GPR15: variants seen among roughly 807,000 people sequenced by gnomAD.
GPR15 encodes the protein G protein-coupled receptor 15.
GPR15 carries 16 observed loss-of-function variants against 19.3 expected under a neutral mutation model. The ratio of observed to expected loss-of-function variants is 0.83; its 90% confidence interval spans 0.56 to 1.26. The LOEUF is 1.26. Among genes scored for constraint, GPR15 ranks in the 50% most tolerant of loss-of-function variants. The pLI is 0.00. For missense variants in GPR15, 458 were observed against 429.4 expected (o/e 1.07, Z -0.59); for synonymous variants, 170 against 171.2 (o/e 0.99, Z 0.05).
Position 98,532,117 on chromosome 3 carries a change from T to C in GPR15, c.84T>C (p.His28=), listed in dbSNP as rs1486080819. Residue 28 remains histidine, a synonymous_variant, in exon 1 of 1, where the codon CAT becomes CAC. Transcript: ENST00000284311. ...CTGACATCAGGGAGACCCACTCCCATGTTCCTTACACCTCTGTCTTCCTTC... is the reference window on the plus strand; with the variant it reads ...CTGACATCAGGGAGACCCACTCCCACGTTCCTTACACCTCTGTCTTCCTTC... ...PNSDIRETHS[H]VPYTSVFLPV... 3.7e-6 allele frequency: 6 copies of C among 1,614,082 alleles called. No individual in the cohort carries two copies. Among genetic ancestry groups the C allele is most frequent in the Non-Finnish European group, 5.1e-6 (6 of 1,180,020 alleles).
rs1016775161 is a variant in GPR15 at position 98,533,165 on chromosome 3, T to G, written c.*49T>G. On this transcript the variant is annotated 3_prime_UTR_variant, in exon 1 of 1. Transcript: ENST00000284311. ...CTGTTGGTGGGTTTAGGAGTTAATT[T>G]TTGTCAGCAACAAAGAAGGAAGTGT... 19 of 1,516,502 alleles carry G rather than the reference T, an allele frequency of 1.3e-5. No homozygotes were observed. Among genetic ancestry groups the G allele is most frequent in the Non-Finnish European group, 1.7e-5 (19 of 1,139,150 alleles). The allele number at this position is 1,516,502 out of a possible 1,614,324, so 93.9% of individuals were successfully genotyped here.
In GPR15 at chr3:98,532,990, T is replaced by C; in HGVS notation, c.957T>C (p.Pro319=). The C allele has an allele frequency of 3.1e-6, 5 of 1,614,106 alleles. No individual in the cohort carries two copies. In the South Asian group the frequency reaches 4.4e-5, roughly 14 times the overall value. Residue 319 remains proline (P), a synonymous_variant, in exon 1 of 1, where the codon CCT becomes CCC. Transcript: ENST00000284311. The part of the protein sequence containing the change: ...IRRAIVHCLC[P]CLKNYDFGSS... ...GGGCCATTGTCCACTGCTTGTGCCCTTGCCTGAAAAACTATGACTTTGGGA... is the reference window on the plus strand; with the variant it reads ...GGGCCATTGTCCACTGCTTGTGCCCCTGCCTGAAAAACTATGACTTTGGGA...
rs1706665974 is a variant in GPR15 at position 98,533,060 on chromosome 3, A to G, written c.1027A>G (p.Thr343Ala). 1.9e-6 allele frequency: 3 copies of G among 1,612,996 alleles called. No homozygotes were observed. Among genetic ancestry groups the G allele is most frequent in the Non-Finnish European group, 2.5e-6 (3 of 1,179,834 alleles). Reference sequence around the variant, plus strand: ...TAGTCACCTCACTAAGGCTCTCTCCACCTTCATTCATGCAGAAGATTTTGC... The same window carrying G: ...TAGTCACCTCACTAAGGCTCTCTCCGCCTTCATTCATGCAGAAGATTTTGC... Reference protein sequence around the residue: ...SDSHLTKALSTFIHAEDFARR... With the variant: ...SDSHLTKALSAFIHAEDFARR... The change falls in exon 1 of 1, where the codon ACC (threonine) becomes GCC (alanine). Residue 343 changes from threonine (T) to alanine (A), a missense_variant. Physicochemically the swap from Thr to Ala is moderately conservative, Grantham distance 58 (BLOSUM62 0). Coordinates refer to ENST00000284311, the MANE Select transcript of GPR15 (RefSeq NM_005290.4).
chr3:98,534,481 G>A lies in GPR15; in HGVS notation c.*1365G>A, dbSNP rs868747746. Among the ~76,000 whole-genome samples, 5 of 152,208 alleles carry A rather than the reference G, an allele frequency of 3.3e-5. No individual in the cohort carries two copies. The Middle Eastern group carries it at 0.017, about 518-fold the overall frequency. On this transcript the variant is annotated 3_prime_UTR_variant, in exon 1 of 1. Coordinates refer to ENST00000284311, the MANE Select transcript of GPR15 (RefSeq NM_005290.4). ...TTCTAAATATTAGATTTGAAAATCAGAAAAAACTTAGAATCCTTTCAAAGA... is the reference window on the plus strand; with the variant it reads ...TTCTAAATATTAGATTTGAAAATCAAAAAAAACTTAGAATCCTTTCAAAGA...
Position 98,532,507 on chromosome 3 carries a change from G to T in GPR15, c.474G>T (p.Trp158Cys), listed in dbSNP as rs993143831. ...CATATGTAGTCTGTGCCAGCATCTG[G>T]TTTATCTCCTGCCTGCTGGGGTTGC... Reference protein sequence around the residue: ...DCAYVVCASIWFISCLLGLPT... With the variant: ...DCAYVVCASICFISCLLGLPT... The change falls in exon 1 of 1, where the codon TGG becomes TGT. Residue 158 changes from tryptophan to cysteine, a missense_variant. Physicochemically the swap from Trp to Cys is radical, Grantham distance 215 (BLOSUM62 -2). Transcript: ENST00000284311. 2 of 1,614,172 alleles carry T rather than the reference G, an allele frequency of 1.2e-6. No individual in the cohort carries two copies. The highest frequency in any genetic ancestry group is 8.5e-7 in the Non-Finnish European group (1 of 1,180,020).
Position 98,533,090 on chromosome 3 carries a change from A to T in GPR15, c.1057A>T (p.Arg353Trp). 6.2e-7 allele frequency: 1 copy of T among 1,610,294 alleles called. No homozygotes were observed. The highest frequency in any genetic ancestry group is 8.5e-7 in the Non-Finnish European group (1 of 1,179,532). The change falls in exon 1 of 1, where the codon AGG (arginine) becomes TGG (tryptophan). Residue 353 changes from arginine to tryptophan, a missense_variant. By Grantham distance (101) the Arg-to-Trp change is moderately radical (BLOSUM62 -3). Transcript: ENST00000284311. ...TFIHAEDFARRRKRSVSL is the reference protein window; with the variant it reads ...TFIHAEDFARWRKRSVSL ...CATTCATGCAGAAGATTTTGCCAGG[A>T]GGAGGAAGAGGTCTGTGTCACTCTA...
rs1706680832 is a variant in GPR15 at position 98,534,319 on chromosome 3, T to C, written c.*1203T>C. Among the ~76,000 whole-genome samples the C allele has an allele frequency of 6.6e-6, 1 of 152,184 alleles. No homozygotes were observed. The highest frequency in any genetic ancestry group is 1.9e-4 in the East Asian group (1 of 5,202). On this transcript the variant is annotated 3_prime_UTR_variant, in exon 1 of 1. Transcript: ENST00000284311. ...CCTATATTCCTTTTGAAGACTTTGA[T>C]GTGAAAAACATGTAATTAGTGGCAA...
chr3:98,532,388 T>C lies in GPR15; in HGVS notation c.355T>C (p.Cys119Arg), dbSNP rs1220215438. Residue 119 changes from cysteine to arginine, a missense_variant, in exon 1 of 1, where the codon TGC (cysteine) becomes CGC (arginine). Cys to Arg is a radical substitution (Grantham distance 180). Transcript: ENST00000284311. ...SSYMISVNMH[C>R]SVLLLTCMSV... is the part of the protein sequence containing the mutation. ...CTACATGATCTCCGTCAATATGCAC[T>C]GCAGTGTCCTCCTGCTCACTTGCAT... 2 of 1,614,212 alleles carry C rather than the reference T, an allele frequency of 1.2e-6. No homozygotes were observed. The highest frequency in any genetic ancestry group is 3.3e-5 in the Admixed American group (2 of 60,024).
At position 98,533,186 on chromosome 3, in the gene GPR15, A is replaced by C. The variant is rs1706667711; in HGVS notation, c.*70A>C. ...AATTTTTGTCAGCAACAAAGAAGGA[A>C]GTGTTAATGATAGGATTCACATTGC... On this transcript the variant is annotated 3_prime_UTR_variant, in exon 1 of 1. Transcript: ENST00000284311. The C allele has an allele frequency of 1.4e-6, 2 of 1,448,556 alleles. No homozygotes were observed. The highest frequency in any genetic ancestry group is 2.8e-5 in the African/African-American group (2 of 70,842). 89.7% of individuals were successfully genotyped at this position (1,448,556 alleles called of 1,614,324 possible).
Position 98,532,180 on chromosome 3 carries a change from G to A in GPR15, c.147G>A (p.Leu49=), listed in dbSNP as rs764736110. ...FYTAVFLTGV[L]GNLVLMGALH... ...CAGCTGTGTTCCTGACTGGAGTGCTGGGGAACCTTGTTCTCATGGGAGCGT... is the reference window on the plus strand; with the variant it reads ...CAGCTGTGTTCCTGACTGGAGTGCTAGGGAACCTTGTTCTCATGGGAGCGT... The change falls in exon 1 of 1, where the codon CTG becomes CTA. Residue 49 remains leucine (L), a synonymous_variant. Coordinates refer to ENST00000284311, the MANE Select transcript of GPR15 (RefSeq NM_005290.4). 2.5e-6 allele frequency: 4 copies of A among 1,614,124 alleles called. No individual in the cohort carries two copies. The highest frequency in any genetic ancestry group is 4.5e-5 in the East Asian group (2 of 44,886).
Position 98,533,125 on chromosome 3 carries a change from G to T in GPR15, c.*9G>T. 1 of 1,587,944 alleles carries T rather than the reference G, an allele frequency of 6.3e-7. No homozygotes were observed. The highest frequency in any genetic ancestry group is 8.5e-7 in the Non-Finnish European group (1 of 1,170,424). ...GGTCTGTGTCACTCTAAAGGGAACT[G>T]TGACATTTCAAGCTCTGTTGGTGGG... On this transcript the variant is annotated 3_prime_UTR_variant, in exon 1 of 1. Coordinates refer to ENST00000284311, the MANE Select transcript of GPR15 (RefSeq NM_005290.4).
chr3:98,533,215 A>G lies in GPR15; in HGVS notation c.*99A>G. On this transcript the variant is annotated 3_prime_UTR_variant, in exon 1 of 1. Coordinates refer to ENST00000284311, the MANE Select transcript of GPR15 (RefSeq NM_005290.4). ...TTAATGATAGGATTCACATTGCTTCATAGATGCAAGGAAGAGTTCATTTTT... is the reference window on the plus strand; with the variant it reads ...TTAATGATAGGATTCACATTGCTTCGTAGATGCAAGGAAGAGTTCATTTTT... The G allele has an allele frequency of 2.4e-6, 3 of 1,270,710 alleles. No individual in the cohort carries two copies. Among genetic ancestry groups the G allele is most frequent in the East Asian group, 2.3e-5 (1 of 42,738 alleles). The allele number at this position is 1,270,710 out of a possible 1,614,324, so 78.7% of individuals were successfully genotyped here.
At position 98,532,675 on chromosome 3, in the gene GPR15, C is replaced by T; in HGVS notation, c.642C>T (p.Cys214=). ...FFVPLLSIVT[C]YCCIARKLCA... ...TCCCTTTGTTGAGCATTGTGACCTG[C>T]TACTGTTGCATTGCAAGGAAGCTGT... Residue 214 remains cysteine (C), a synonymous_variant, in exon 1 of 1, where the codon TGC becomes TGT. Coordinates refer to ENST00000284311, the MANE Select transcript of GPR15 (RefSeq NM_005290.4). 6.2e-7 allele frequency: 1 copy of T among 1,614,134 alleles called. No individual in the cohort carries two copies.
In GPR15 at chr3:98,532,611, T is replaced by C; in HGVS notation, c.578T>C (p.Leu193Pro). ...CAEKKATPIK[L>P]IWSLVALIFT... Reference sequence around the variant, plus strand: ...GAGAAAAAGGCAACTCCAATTAAACTCATATGGTCCCTGGTGGCCTTAATT... The same window carrying C: ...GAGAAAAAGGCAACTCCAATTAAACCCATATGGTCCCTGGTGGCCTTAATT... Residue 193 changes from leucine (L) to proline (P), a missense_variant, in exon 1 of 1, where the codon CTC (leucine) becomes CCC (proline). Leu to Pro is a moderately conservative substitution (Grantham distance 98). Transcript: ENST00000284311. The C allele has an allele frequency of 6.2e-7, 1 of 1,614,188 alleles. No homozygotes were observed. The highest frequency in any genetic ancestry group is 8.5e-7 in the Non-Finnish European group (1 of 1,180,036).
In GPR15 at chr3:98,532,959, TC is replaced by T; in HGVS notation, c.928del (p.Arg310AlafsTer12). On this transcript the variant is annotated frameshift_variant, in exon 1 of 1. Transcript: ENST00000284311. LOFTEE classifies it high-confidence loss of function. ...PFIYYIFDSY[I>X]RRAIVHCLCP... Reference sequence around the variant, plus strand: ...ATTTACTATATCTTCGACAGCTACATCCGCCGGGCCATTGTCCACTGCTTGT... The same window carrying T: ...ATTTACTATATCTTCGACAGCTACATCGCCGGGCCATTGTCCACTGCTTGT... 6.2e-7 allele frequency: 1 copy of T among 1,614,050 alleles called. No individual in the cohort carries two copies. The highest frequency in any genetic ancestry group is 1.1e-5 in the South Asian group (1 of 91,072).
Position 98,532,528 on chromosome 3 carries a change from G to C in GPR15, c.495G>C (p.Gly165=). The change falls in exon 1 of 1, where the codon GGG becomes GGC. Residue 165 remains glycine (G), a synonymous_variant. Transcript: ENST00000284311. The stretch of plus-strand genomic sequence containing the variant: ...TCTGGTTTATCTCCTGCCTGCTGGG[G>C]TTGCCTACTCTTCTGTCCAGGGAGC... ...ASIWFISCLL[G]LPTLLSRELT... The C allele has an allele frequency of 6.2e-7, 1 of 1,614,154 alleles. No homozygotes were observed. The highest frequency in any genetic ancestry group is 8.5e-7 in the Non-Finnish European group (1 of 1,180,022).
chr3:98,532,709 T>G lies in GPR15; in HGVS notation c.676T>G (p.Tyr226Asp). 6.2e-7 allele frequency: 1 copy of G among 1,614,068 alleles called. No homozygotes were observed. The highest frequency in any genetic ancestry group is 1.1e-5 in the South Asian group (1 of 91,072). ...CATTGCAAGGAAGCTGTGTGCCCAT[T>G]ACCAGCAATCAGGAAAGCACAACAA... ...CCIARKLCAH[Y>D]QQSGKHNKKL... The change falls in exon 1 of 1, where the codon TAC becomes GAC. Residue 226 changes from tyrosine (Y) to aspartate (D), a missense_variant. By Grantham distance (160) the Tyr-to-Asp change is radical. Transcript: ENST00000284311.
Position 98,532,788 on chromosome 3 carries a change from T to G in GPR15, c.755T>G (p.Val252Gly). ...IIFIVVAAFL[V>G]SWLPFNTFKF... Reference sequence around the variant, plus strand: ...TTTATTGTCGTGGCAGCCTTTCTTGTCTCCTGGCTGCCCTTCAATACTTTC... The same window carrying G: ...TTTATTGTCGTGGCAGCCTTTCTTGGCTCCTGGCTGCCCTTCAATACTTTC... Residue 252 changes from valine to glycine, a missense_variant, in exon 1 of 1, where the codon GTC (valine) becomes GGC (glycine). By Grantham distance (109) the Val-to-Gly change is moderately radical. Coordinates refer to ENST00000284311, the MANE Select transcript of GPR15 (RefSeq NM_005290.4). The G allele has an allele frequency of 6.2e-7, 1 of 1,613,994 alleles. No individual in the cohort carries two copies. Among genetic ancestry groups the G allele is most frequent in the Non-Finnish European group, 8.5e-7 (1 of 1,179,916 alleles).
At position 98,533,221 on chromosome 3, in the gene GPR15, G is replaced by A; in HGVS notation, c.*105G>A. 17 of 1,224,166 alleles carry A rather than the reference G, an allele frequency of 1.4e-5. No individual in the cohort carries two copies. The highest frequency in any genetic ancestry group is 1.7e-5 in the Non-Finnish European group (15 of 893,428). The allele number at this position is 1,224,166 out of a possible 1,614,324, so 75.8% of individuals were successfully genotyped here. A position where few individuals can be genotyped will look rare whatever the true frequency, so the allele number is the denominator to read the frequency against. ...ATAGGATTCACATTGCTTCATAGAT[G>A]CAAGGAAGAGTTCATTTTTAAAGAG... On this transcript the variant is annotated 3_prime_UTR_variant, in exon 1 of 1. Coordinates refer to ENST00000284311, the MANE Select transcript of GPR15 (RefSeq NM_005290.4).
Sources: gnomAD v4.1 joint callset for allele counts (sites outside exome capture counted in the v4.1 genomes callset) on GRCh38, gnomAD v4.1.1 for gene constraint, MANE v1.5 for transcripts, NCBI Gene and HGNC (gene_info 2026-07-23, HGNC 2026-07-21) for gene names.